Variants in CALM2 observed in about 807,000 individuals in gnomAD.
The protein encoded by CALM2 is calmodulin-2.
CALM2 carries 2 observed loss-of-function variants against 19.8 expected under a neutral mutation model. That is an observed-to-expected ratio of 0.10 (90% CI 0.04 to 0.32). CALM2 has a LOEUF of 0.32. Ranked by LOEUF, CALM2 falls within the 10% of genes least tolerant of loss-of-function variation. CALM2 has a pLI of 1.00. For missense variants in CALM2, 38 were observed against 178.7 expected, an observed-to-expected ratio of 0.21 and a Z score of 4.49; for synonymous variants, 51 against 52.1, an observed-to-expected ratio of 0.98 and a Z score of 0.09.
At position 47,162,478 on chromosome 2, in the gene CALM2, C is replaced by T. The variant is rs201394950; in HGVS notation, c.178+41G>A. 28 of 1,613,180 alleles carry T rather than the reference C, an allele frequency of 1.7e-5. No homozygotes were observed. In the African/African-American group the frequency reaches 2.5e-4, roughly 15 times the overall value. ...GTTTAGTGGAAACATCTAAGTATCA[C>T]TTCTTCAACCCCTCCCAGCCCCACA... is the stretch of plus-strand genomic sequence containing the variant. On this transcript the variant is annotated intron_variant, in intron 3 of 5. Transcript: ENST00000272298.
At chr2:47,175,882 C>A (rs1666846965) in intron 1 of CALM2, among the ~76,000 whole-genome samples, 1 of 148,860 alleles carries the variant, frequency 6.7e-6, no homozygotes, top group Admixed American at 6.7e-5. Flanking sequence ...CGCCGCCCGC[C>A]CGCCCGCGCG....
At chr2:47,171,096 G>A (rs921583833) in intron 1 of CALM2, 2 of 206,086 alleles carry the variant, frequency 9.7e-6, no homozygotes, top group South Asian at 1.3e-4. Context: ...AATTCCCACT[G>A]AATCAAAATG....
Position 47,160,872 on chromosome 2 carries a change from A to G in CALM2, c.422-68T>C, listed in dbSNP as rs1687134659. 16 of 666,164 alleles carry G rather than the reference A, an allele frequency of 2.4e-5. 1 individual carries two copies. In the South Asian group the frequency reaches 3.1e-4, roughly 13 times the overall value. The allele number at this position is 666,164 out of a possible 1,614,324, so 41.3% of individuals were successfully genotyped here. On this transcript the variant is annotated intron_variant, in intron 5 of 5. Transcript: ENST00000272298. ...GACCAAAAAAAAAAAAAAAAAAAAA[A>G]AATCACATTTACTCAATTACTGAGT... is the stretch of plus-strand genomic sequence containing the variant.
intron 2 of CALM2, chr2:47,167,593 CTG>C (rs1005487221): frequency 6.5e-6 from 1 of 153,420 alleles, no homozygotes; most frequent in Non-Finnish European, 1.4e-5. Context: ...ACTTGGGAGA[CTG>C]AGCCAGGAGA....
intron 1 of CALM2, chr2:47,172,508 C>G: frequency 2.5e-6 from 3 of 1,214,562 alleles, no homozygotes; most frequent in Non-Finnish European, 3.3e-6. Flanking sequence ...AACAAAGAAC[C>G]TACAATGTTA....
chr2:47,169,509 C>T (rs138097046), intron 2 of CALM2, among the ~76,000 whole-genome samples: 3 of 151,640 alleles, frequency 2.0e-5, no homozygotes, highest in Non-Finnish European at 4.4e-5. Flanking sequence ...AACAGTGTAA[C>T]TCAACAAAAA....
At chr2:47,175,815 G>A (rs1328786118) in intron 1 of CALM2, among the ~76,000 whole-genome samples, 1 of 147,706 alleles carries the variant, frequency 6.8e-6, no homozygotes, top group Non-Finnish European at 1.5e-5. Context: ...CGAGGCGCTC[G>A]CCCGCCCCGC....
intron 2 of CALM2, among the ~76,000 whole-genome samples, chr2:47,168,752 G>A (rs1666571011): frequency 6.7e-6 from 1 of 149,196 alleles, no homozygotes; most frequent in African/African-American, 2.5e-5. Context: ...AATCACTGAA[G>A]AGGGATCCTC....
chr2:47,160,949 G>A, intron 5 of CALM2, 145 bp from the exon 6 acceptor site: 1 of 538,288 alleles, frequency 1.9e-6, no homozygotes. Flanking sequence ...ACAGAGGGAA[G>A]CTAGTTTATT....
intron 2 of CALM2, among the ~76,000 whole-genome samples, chr2:47,165,009 A>T (rs1573219331): frequency 6.6e-6 from 1 of 152,308 alleles, no homozygotes. Context: ...TTGAAACCTT[A>T]GTTATATTTT....
intron 1 of CALM2, among the ~76,000 whole-genome samples, chr2:47,175,672 G>T (rs373671668): frequency 6.5e-4 from 98 of 151,476 alleles, no homozygotes; most frequent in African/African-American, 2.2e-3. Context: ...ATGGGAAACC[G>T]TCGAGGCCCC....
At chr2:47,161,658 C>T in intron 5 of CALM2, 65 bp downstream of exon 5, 1 of 1,491,258 alleles carries the variant, frequency 6.7e-7, no homozygotes, top group South Asian at 1.3e-5. Flanking sequence ...GATCAGTTCC[C>T]TAACAAAGAG....
chr2:47,167,809 C>CTTTTTTTTTTTTTTTTTTTT lies in CALM2; in HGVS notation c.34+2924_34+2925insAAAAAAAAAAAAAAAAAAAA, dbSNP rs1400752450. ...AAAAAAAAAAAAAAAATTTTTTTTTCTTTTCTTTGAGACAGGGTCTTGCTG... is the reference window on the plus strand; with the variant it reads ...AAAAAAAAAAAAAAAATTTTTTTTTCTTTTTTTTTTTTTTTTTTTTTTTTCTTTGAGACAGGGTCTTGCTG... On this transcript the variant is annotated intron_variant, in intron 2 of 5. Transcript: ENST00000272298. 5 of 18,226 alleles carry CTTTTTTTTTTTTTTTTTTTT rather than the reference C, an allele frequency of 2.7e-4. 1 individual carries two copies. Among genetic ancestry groups the CTTTTTTTTTTTTTTTTTTTT allele is most frequent in the South Asian group, 1.9e-3 (1 of 528 alleles). The allele number at this position is 18,226 out of a possible 1,614,324, so 1.1% of individuals were successfully genotyped here.
intron 1 of CALM2, among the ~76,000 whole-genome samples, chr2:47,175,806 G>A (rs1487880995): frequency 6.7e-6 from 1 of 148,170 alleles, no homozygotes; most frequent in African/African-American, 2.4e-5. Flanking sequence ...CGGGTCCCGC[G>A]AGGCGCTCGC....
At chr2:47,169,130 G>A (rs1050123116) in intron 2 of CALM2, among the ~76,000 whole-genome samples, 1 of 152,130 alleles carries the variant, frequency 6.6e-6, no homozygotes, top group African/African-American at 2.4e-5. Context: ...CTATGCAATG[G>A]CACACTGAGT....
chr2:47,173,479 T>G (rs1666740047), intron 1 of CALM2: 1 of 152,248 alleles, frequency 6.6e-6, no homozygotes, highest in African/African-American at 2.4e-5. Flanking sequence ...CTAGACCTCC[T>G]GTACTAGAAT....
chr2:47,176,541 T>G (rs756381037), upstream of CALM2: 10 of 1,573,038 alleles, frequency 6.4e-6, no homozygotes, highest in East Asian at 2.4e-5. Context: ...CAGCGCCTCA[T>G]AAACACCTCC....
chr2:47,161,021 G>T (rs768282257), intron 5 of CALM2, among the ~76,000 whole-genome samples: 2 of 152,020 alleles, frequency 1.3e-5, no homozygotes, highest in Non-Finnish European at 2.9e-5. Flanking sequence ...CCAAATTAAC[G>T]CTTTAGATAG....
chr2:47,162,500 C>T lies in CALM2; in HGVS notation c.178+19G>A. 6.2e-7 allele frequency: 1 copy of T among 1,614,050 alleles called. No homozygotes were observed. ...TCACTTCTTCAACCCCTCCCAGCCC[C>T]ACAAAATTGAAGACTTACCATCAGC... On this transcript the variant is annotated intron_variant, in intron 3 of 5. Transcript: ENST00000272298.
Sources: allele counts gnomAD v4.1 joint callset (sites outside exome capture counted in the v4.1 genomes callset), GRCh38; gene constraint gnomAD v4.1.1; transcripts MANE v1.5; gene names NCBI Gene and HGNC (gene_info 2026-07-23, HGNC 2026-07-21).